The following EPHA3 variants were observed in gnomAD, a reference collection of about 807,000 sequenced individuals.
The protein encoded by EPHA3 is EPH receptor A3.
Under a neutral mutation model 107.1 loss-of-function variants are expected in EPHA3, and 42 were observed. The ratio of observed to expected loss-of-function variants is 0.39; its 90% CI spans 0.31 to 0.51. The LOEUF (loss-of-function observed/expected upper bound fraction) is 0.51, where lower values mean the gene tolerates loss of function less well. Among genes scored for constraint, EPHA3 ranks in the 20% least tolerant of loss-of-function variants. The probability of loss-of-function intolerance (pLI) is 0.78; values close to 1 mark genes in which losing one functional copy is unlikely to be tolerated. For synonymous variants in EPHA3, 461 were observed against 424.8 expected, an observed-to-expected ratio of 1.09 and a Z score of -1.05; for missense variants, 1,183 against 1,211.2, an observed-to-expected ratio of 0.98 and a Z score of 0.35.
At chr3:89,170,076 G>A (rs1297285515) in intron 2 of EPHA3, among the ~76,000 whole-genome samples, 2 of 151,832 alleles carry the variant, frequency 1.3e-5, no homozygotes, top group African/African-American at 2.4e-5. Flanking sequence ...TTGAAATCCC[G>A]TCTCTACTAA....
intron 3 of EPHA3, among the ~76,000 whole-genome samples, chr3:89,278,965 C>T (rs1402892676): frequency 6.6e-6 from 1 of 152,196 alleles, no homozygotes; most frequent in Non-Finnish European, 1.5e-5. Context: ...ATGCATTCAA[C>T]TTACTTGCTG....
intron 1 of EPHA3, among the ~76,000 whole-genome samples, chr3:89,126,543 A>C (rs573957977): frequency 3.3e-5 from 5 of 151,710 alleles, no homozygotes; most frequent in Non-Finnish European, 5.9e-5. Flanking sequence ...GTTCTGAGTA[A>C]AACCACTAAA....
intron 5 of EPHA3, 133 bp downstream of exon 5, chr3:89,342,223 A>G: frequency 1.5e-6 from 1 of 681,972 alleles, no homozygotes; most frequent in Non-Finnish European, 2.4e-6. Context: ...TAACACATTT[A>G]AACAGTTATG....
At chr3:89,214,499 C>G (rs1704179439) in intron 3 of EPHA3, among the ~76,000 whole-genome samples, 3 of 151,916 alleles carry the variant, frequency 2.0e-5, no homozygotes, top group Admixed American at 2.0e-4. Flanking sequence ...AGAGATAAAA[C>G]ATGTATTTAA....
intron 3 of EPHA3, among the ~76,000 whole-genome samples, chr3:89,328,894 T>G (rs2107394010): frequency 6.6e-6 from 1 of 152,214 alleles, no homozygotes. Flanking sequence ...AGGTACATCG[T>G]TCTGGAAAAG....
intron 3 of EPHA3, among the ~76,000 whole-genome samples, chr3:89,273,079 T>C (rs1705717919): frequency 6.6e-6 from 1 of 151,938 alleles, no homozygotes; most frequent in Non-Finnish European, 1.5e-5. Context: ...GATGGGAAGA[T>C]AAATTTTCAA....
intron 3 of EPHA3, among the ~76,000 whole-genome samples, chr3:89,269,653 T>C (rs866357419): frequency 7.9e-5 from 12 of 151,350 alleles, no homozygotes; most frequent in South Asian, 2.1e-4. Flanking sequence ...GTGCACATTG[T>C]GCAGGTTAGT....
chr3:89,208,435 A>G (rs201648252), intron 2 of EPHA3, among the ~76,000 whole-genome samples: 2,190 of 21,640 alleles, frequency 0.1, 56 homozygotes, highest in African/African-American at 0.18. Flanking sequence ...AGAAAGAAAG[A>G]AAGAAAGAAA....
At chr3:89,274,508 T>C (rs1705757998) in intron 3 of EPHA3, among the ~76,000 whole-genome samples, 1 of 151,980 alleles carries the variant, frequency 6.6e-6, no homozygotes, top group Non-Finnish European at 1.5e-5. Flanking sequence ...TGTGTTAAAT[T>C]CTTACATTTT....
chr3:89,114,401 A>G (rs1263136958), intron 1 of EPHA3, among the ~76,000 whole-genome samples: 1 of 152,154 alleles, frequency 6.6e-6, no homozygotes, highest in Non-Finnish European at 1.5e-5. Flanking sequence ...TCGTTGGTGC[A>G]AAGGGAAAAC....
At chr3:89,157,906 T>A (rs1442437132) in intron 2 of EPHA3, among the ~76,000 whole-genome samples, 1 of 150,922 alleles carries the variant, frequency 6.6e-6, no homozygotes, top group Admixed American at 6.6e-5. Context: ...AGAGAGTTAA[T>A]GGGCAGGGCT....
intron 5 of EPHA3, among the ~76,000 whole-genome samples, chr3:89,366,947 C>T (rs1274226377): frequency 6.6e-6 from 1 of 150,554 alleles, no homozygotes; most frequent in Admixed American, 6.7e-5. Flanking sequence ...TAGATTCCAC[C>T]AGCACAAACT....
intron 15 of EPHA3, among the ~76,000 whole-genome samples, chr3:89,463,098 TG>T (rs1448266158): frequency 1.3e-4 from 1 of 7,960 alleles, no homozygotes; most frequent in African/African-American, 1.0e-3. Flanking sequence ...ATGTGGTTTT[TG>T]TCTTTGGCTC....
At chr3:89,406,939 T>C (rs545063430) in intron 7 of EPHA3, among the ~76,000 whole-genome samples, 1 of 152,276 alleles carries the variant, frequency 6.6e-6, no homozygotes, top group African/African-American at 2.4e-5. Context: ...TAACTTCTGG[T>C]TCATTCAACG....
At chr3:89,134,266 G>C (rs949058500) in intron 2 of EPHA3, among the ~76,000 whole-genome samples, 1 of 150,982 alleles carries the variant, frequency 6.6e-6, no homozygotes, top group African/African-American at 2.4e-5. Flanking sequence ...TGAGCACAAC[G>C]TGCAGGTTTG....
intron 10 of EPHA3, among the ~76,000 whole-genome samples, chr3:89,417,033 T>C (rs2107525195): frequency 6.6e-6 from 1 of 151,578 alleles, no homozygotes; most frequent in East Asian, 1.9e-4. Context: ...TCTTAAAGGG[T>C]AGTTAGGCAA....
chr3:89,222,413 AC>A (rs1704401189), intron 3 of EPHA3, among the ~76,000 whole-genome samples: 1 of 148,090 alleles, frequency 6.8e-6, no homozygotes, highest in African/African-American at 2.5e-5. Context: ...ATGTACACAC[AC>A]ATGCATGTAA....
chr3:89,288,190 A>G (rs1362939566), intron 3 of EPHA3, among the ~76,000 whole-genome samples: 1 of 152,110 alleles, frequency 6.6e-6, no homozygotes, highest in Non-Finnish European at 1.5e-5. Context: ...ATCATGCAAA[A>G]CAATGTCACG....
chr3:89,261,097 A>G (rs1705403916), intron 3 of EPHA3, among the ~76,000 whole-genome samples: 2 of 152,224 alleles, frequency 1.3e-5, no homozygotes, highest in African/African-American at 4.8e-5. Context: ...AGATGATGAG[A>G]TGGCAGAGGA....
Sources: allele counts gnomAD v4.1 joint callset (sites outside exome capture counted in the v4.1 genomes callset), GRCh38; gene constraint gnomAD v4.1.1; transcripts MANE v1.5; gene names NCBI Gene and HGNC (gene_info 2026-07-23, HGNC 2026-07-21).